Variants in CLCN5 observed in about 807,000 individuals in gnomAD.
CLCN5 encodes the protein Cl-/H+ antiporter 5, also known as H(+)/Cl(-) exchange transporter 5.
In CLCN5, 17 loss-of-function variants were observed where a neutral mutation model predicts 54.0. That is an observed-to-expected ratio of 0.31 (90% CI 0.22 to 0.47). The LOEUF is 0.47. CLCN5 is among the 20% of genes least tolerant of loss of function. CLCN5 has a pLI of 1.00. For missense variants in CLCN5, 448 were observed against 646.7 expected (o/e 0.69, Z 3.33); for synonymous variants, 222 against 233.0 (o/e 0.95, Z 0.43).
intron 3 of CLCN5, among the ~76,000 whole-genome samples, chrX:50,007,631 C>CA (rs1265120921): frequency 9.0e-6 from 1 of 110,991 alleles, no homozygotes; most frequent in African/African-American, 3.3e-5. Flanking sequence ...CACTCACACT[C>CA]ACAGATACTC....
Position 50,096,329 on chromosome X carries a change from TTGAG to T in CLCN5, c.*4111_*4114del, listed in dbSNP as rs1934261260. On this transcript the variant is annotated 3_prime_UTR_variant, in exon 15 of 15. Coordinates refer to ENST00000376091, the MANE Select transcript of CLCN5 (RefSeq NM_001127898.4). ...ACCTTGTTTTTTGTTTTTTTGTTTT[TTGAG>T]GAGTCGTCTTGCTCTATCACCAGGT... 1 of 111,762 alleles carries T rather than the reference TTGAG, an allele frequency of 8.9e-6. No homozygotes were observed. Among genetic ancestry groups the T allele is most frequent in the Admixed American group, 9.5e-5 (1 of 10,529 alleles). 9.2% of individuals were successfully genotyped at this position (111,762 alleles called of 1,213,427 possible).
At chrX:49,957,278 C>T (rs147441379) in intron 3 of CLCN5, among the ~76,000 whole-genome samples, 3,588 of 110,828 alleles carry the variant, frequency 0.032, 67 homozygotes, top group Non-Finnish European at 0.05. Flanking sequence ...CCAGCCTGGG[C>T]GACAGAGTGA....
Position 49,963,110 on chromosome X carries a change from C to A in CLCN5, c.16+37796C>A, listed in dbSNP as rs1927686522. On this transcript the variant is annotated intron_variant, in intron 3 of 14. Transcript: ENST00000376091. ...GTAGGTAAGAACAAGTGACTCTGGGCAGATTAGGATGACTTGTGTAAAAGG... is the reference window on the plus strand; with the variant it reads ...GTAGGTAAGAACAAGTGACTCTGGGAAGATTAGGATGACTTGTGTAAAAGG... Among the ~76,000 whole-genome samples, 4 of 111,746 alleles carry A rather than the reference C, an allele frequency of 3.6e-5. No homozygotes were observed. The South Asian group carries it at 1.5e-3, about 42-fold the overall frequency.
At chrX:50,071,638 C>T (rs1267048761) in intron 5 of CLCN5, among the ~76,000 whole-genome samples, 1 of 112,028 alleles carries the variant, frequency 8.9e-6, no homozygotes, top group East Asian at 2.8e-4. Flanking sequence ...AACACTGTCA[C>T]AGGGAAAAAT....
chrX:50,081,168 G>C, intron 8 of CLCN5, among the ~76,000 whole-genome samples: 1 of 111,172 alleles, frequency 9.0e-6, no homozygotes, highest in Admixed American at 9.5e-5. Context: ...CTGAGACTTA[G>C]GTTACCAGGA....
intron 4 of CLCN5, among the ~76,000 whole-genome samples, chrX:50,044,216 CT>C (rs1488331759): frequency 9.0e-6 from 1 of 111,607 alleles, no homozygotes; most frequent in East Asian, 2.8e-4. Flanking sequence ...ATTATTATTG[CT>C]ACAACCCTGT....
intron 3 of CLCN5, among the ~76,000 whole-genome samples, chrX:49,994,083 AAGT>A (rs1234052351): frequency 8.9e-6 from 1 of 112,225 alleles, no homozygotes; most frequent in African/African-American, 3.2e-5. Flanking sequence ...TCGACATTCT[AAGT>A]AGGTGACATC....
chrX:49,924,875 C>T (rs1029514357), intron 2 of CLCN5, among the ~76,000 whole-genome samples: 5 of 112,101 alleles, frequency 4.5e-5, no homozygotes, highest in Non-Finnish European at 7.5e-5. Context: ...CATGAAACTT[C>T]AAGGTAGGAA....
At chrX:50,072,615 CAAAT>C (rs1358561063) in intron 6 of CLCN5, 27 bp downstream of exon 6, 5 of 1,068,165 alleles carry the variant, frequency 4.7e-6, no homozygotes, top group Non-Finnish European at 6.5e-6. Flanking sequence ...GTTTTCAAAA[CAAAT>C]CTCCTAAAAT....
intron 3 of CLCN5, among the ~76,000 whole-genome samples, chrX:49,979,368 T>C (rs1356342665): frequency 6.3e-5 from 7 of 111,898 alleles, no homozygotes; most frequent in Non-Finnish European, 1.1e-4. Context: ...CAGAGTTTAT[T>C]TGATCACTGA....
chrX:49,962,474 C>A (rs1927645291), intron 3 of CLCN5, among the ~76,000 whole-genome samples: 1 of 111,622 alleles, frequency 9.0e-6, no homozygotes, highest in Non-Finnish European at 1.9e-5. Context: ...AGCGGCGAAT[C>A]CCTAATTTAT....
Position 50,073,335 on chromosome X carries a change from C to A in CLCN5, c.415+747C>A, listed in dbSNP as rs1933292575. 4.5e-5 allele frequency among the ~76,000 whole-genome samples: 5 copies of A among 111,236 alleles called. No individual in the cohort carries two copies. The Admixed American group carries it at 4.8e-4, about 11-fold the overall frequency. On this transcript the variant is annotated intron_variant, in intron 6 of 14. Coordinates refer to ENST00000376091, the MANE Select transcript of CLCN5 (RefSeq NM_001127898.4). ...GCTGAAAGAGAAGTTAGGTGGAAACCTGGAGGTGGAAGGTATACAGTGGTA... is the reference window on the plus strand; with the variant it reads ...GCTGAAAGAGAAGTTAGGTGGAAACATGGAGGTGGAAGGTATACAGTGGTA...
chrX:50,047,350 T>C (rs112501083), intron 4 of CLCN5, among the ~76,000 whole-genome samples: 4,225 of 110,963 alleles, frequency 0.038, 210 homozygotes, highest in African/African-American at 0.13. Context: ...CCTGGAAGAA[T>C]GGCAAACATT....
At chrX:49,993,093 C>T (rs1329535707) in intron 3 of CLCN5, among the ~76,000 whole-genome samples, 7 of 111,365 alleles carry the variant, frequency 6.3e-5, no homozygotes, top group Non-Finnish European at 1.3e-4. Flanking sequence ...TGTGCTGGCC[C>T]CAGTGGATTT....
intron 4 of CLCN5, 197 bp downstream of exon 4, chrX:50,042,659 G>A (rs1464236591): frequency 7.3e-6 from 2 of 275,071 alleles, no homozygotes; most frequent in East Asian, 1.1e-4. Flanking sequence ...CCACTCCTTT[G>A]CAGTCAGACC....
intron 3 of CLCN5, among the ~76,000 whole-genome samples, chrX:49,975,235 A>G (rs1452296710): frequency 3.6e-5 from 4 of 111,868 alleles, no homozygotes; most frequent in Admixed American, 9.5e-5. Context: ...TAGCGTTCCA[A>G]TAATGGAACA....
intron 11 of CLCN5, 109 bp from the exon 12 acceptor site, chrX:50,088,589 A>T: frequency 1.4e-6 from 1 of 725,885 alleles, no homozygotes; most frequent in Non-Finnish European, 2.2e-6. Context: ...GTGCATAGTT[A>T]AATTGTCATC....
At chrX:50,086,194 G>T in intron 10 of CLCN5, 134 bp downstream of exon 10, 1 of 876,406 alleles carries the variant, frequency 1.1e-6, no homozygotes. Context: ...CCAACTTGGT[G>T]CTTTACCATG....
intron 3 of CLCN5, among the ~76,000 whole-genome samples, chrX:50,014,863 A>G (rs182733538): frequency 2.7e-5 from 3 of 111,304 alleles, no homozygotes; most frequent in African/African-American, 9.8e-5. Context: ...ATGTCCATGT[A>G]TGCAGGTATC....
Sources: allele counts gnomAD v4.1 joint callset (sites outside exome capture counted in the v4.1 genomes callset), GRCh38; gene constraint gnomAD v4.1.1; transcripts MANE v1.5; gene names NCBI Gene and HGNC (gene_info 2026-07-23, HGNC 2026-07-21).